SNX29: variants seen among roughly 807,000 people sequenced by gnomAD.
SNX29 encodes sorting nexin 29.
Under a neutral mutation model 102.1 loss-of-function variants are expected in SNX29, and 78 were observed. That is an observed-to-expected ratio of 0.76 (90% CI 0.64 to 0.92). The LOEUF is 0.92. SNX29 is among the 40% of genes least tolerant of loss of function. The pLI, the probability that SNX29 is intolerant of heterozygous loss-of-function variation, is 0.00. For missense variants in SNX29, 1,280 were observed against 1,061.7 expected (o/e 1.21, Z -2.86); for synonymous variants, 580 against 414.5 (o/e 1.40, Z -4.85).
At position 12,040,750 on chromosome 16, in the gene SNX29, T is replaced by C. The variant is rs8045475; in HGVS notation, c.248-2147T>C. Among the ~76,000 whole-genome samples, 659 of 152,376 alleles carry C rather than the reference T, an allele frequency of 4.3e-3. 7 individuals carry two copies. The highest frequency in any genetic ancestry group is 0.015 in the African/African-American group (616 of 41,596). On this transcript the variant is annotated intron_variant, in intron 4 of 20. Coordinates refer to ENST00000566228, the MANE Select transcript of SNX29 (RefSeq NM_032167.5). Reference sequence around the variant, plus strand: ...AATTGTAATAGGAAAATGTTCATGCTCTAGACAAGAAAATAAATGAATCAG... The same window carrying C: ...AATTGTAATAGGAAAATGTTCATGCCCTAGACAAGAAAATAAATGAATCAG...
intron 18 of SNX29, among the ~76,000 whole-genome samples, chr16:12,414,720 G>GGTATGTAT (rs60894539): frequency 9.6e-4 from 146 of 151,956 alleles, no homozygotes; most frequent in African/African-American, 3.4e-3. Context: ...TTTATTTGTT[G>GGTATGTAT]GTATGTATGT....
chr16:12,198,004 T>G (rs1954884974), intron 13 of SNX29, among the ~76,000 whole-genome samples: 2 of 152,182 alleles, frequency 1.3e-5, no homozygotes, highest in African/African-American at 4.8e-5. Context: ...AGTCAGTGTT[T>G]GGCGTATCTA....
intron 6 of SNX29, among the ~76,000 whole-genome samples, chr16:12,048,120 C>T (rs1178019984): frequency 6.6e-6 from 1 of 151,362 alleles, no homozygotes; most frequent in Non-Finnish European, 1.5e-5. Context: ...CCCATGATAA[C>T]GGATGTCTGC....
At chr16:12,011,966 C>G (rs145122053) in intron 3 of SNX29, among the ~76,000 whole-genome samples, 4 of 152,232 alleles carry the variant, frequency 2.6e-5, no homozygotes, top group African/African-American at 9.6e-5. Flanking sequence ...TTTTGTATGA[C>G]TAGACATACC....
At chr16:12,344,939 C>T (rs551457865) in intron 15 of SNX29, among the ~76,000 whole-genome samples, 7 of 152,352 alleles carry the variant, frequency 4.6e-5, no homozygotes, top group South Asian at 4.1e-4. Context: ...CAGGCCTAGC[C>T]GAGCACCATG....
intron 15 of SNX29, among the ~76,000 whole-genome samples, chr16:12,337,367 G>A (rs1037528495): frequency 3.9e-5 from 6 of 151,960 alleles, no homozygotes; most frequent in African/African-American, 1.4e-4. Context: ...TTCAAGACAG[G>A]GTCTTGCTGT....
At chr16:11,995,151 C>T (rs1354434802) in intron 1 of SNX29, among the ~76,000 whole-genome samples, 3 of 152,172 alleles carry the variant, frequency 2.0e-5, no homozygotes, top group Non-Finnish European at 2.9e-5. Context: ...CTGTAACCTC[C>T]GTCTCCCAGG....
At chr16:11,976,848 G>A in intron 1 of SNX29, 35 bp downstream of exon 1, 2 of 1,342,212 alleles carry the variant, frequency 1.5e-6, no homozygotes, top group South Asian at 3.7e-5. Flanking sequence ...ACCTGCCCCG[G>A]CCGCCCCGGC....
intron 20 of SNX29, among the ~76,000 whole-genome samples, chr16:12,554,910 G>A (rs2078230367): frequency 6.6e-6 from 1 of 152,120 alleles, no homozygotes; most frequent in Non-Finnish European, 1.5e-5. Context: ...CAGTGCAGGG[G>A]AGAGGGGCTG....
At chr16:12,568,269 C>CA (rs1491425109) in intron 20 of SNX29, among the ~76,000 whole-genome samples, 1 of 148,394 alleles carries the variant, frequency 6.7e-6, no homozygotes, top group Non-Finnish European at 1.5e-5. Flanking sequence ...AGCTCAGACT[C>CA]ACAGCCAAGC....
intron 18 of SNX29, among the ~76,000 whole-genome samples, chr16:12,472,391 C>T (rs2087388605): frequency 1.3e-5 from 2 of 151,894 alleles, no homozygotes; most frequent in African/African-American, 4.8e-5. Flanking sequence ...GTGTGGCAGG[C>T]ACCTGTAATC....
At chr16:12,483,837 G>T (rs534044525) in intron 19 of SNX29, among the ~76,000 whole-genome samples, 4 of 152,198 alleles carry the variant, frequency 2.6e-5, no homozygotes, top group Non-Finnish European at 5.9e-5. Context: ...CAAGTCAGGT[G>T]GTGGCTTCTA....
At chr16:12,042,855 G>C (rs754685429) in intron 4 of SNX29, 42 bp from the exon 5 acceptor site, 2 of 1,567,992 alleles carry the variant, frequency 1.3e-6, no homozygotes, top group Non-Finnish European at 1.7e-6. Context: ...AGTGCTGAGT[G>C]CCCCAGGCCG....
intron 11 of SNX29, among the ~76,000 whole-genome samples, chr16:12,116,622 C>T (rs1036861392): frequency 2.0e-5 from 3 of 152,128 alleles, no homozygotes; most frequent in Non-Finnish European, 2.9e-5. Flanking sequence ...TGCAGTGAGC[C>T]AGGATCACGC....
chr16:12,008,816 A>G (rs539046567), intron 3 of SNX29, among the ~76,000 whole-genome samples: 3 of 149,550 alleles, frequency 2.0e-5, no homozygotes, highest in African/African-American at 7.4e-5. Context: ...ATCTCAGTTC[A>G]CTGCAACCTC....
intron 18 of SNX29, among the ~76,000 whole-genome samples, chr16:12,416,008 A>G (rs1398055300): frequency 6.6e-6 from 1 of 152,082 alleles, no homozygotes; most frequent in Non-Finnish European, 1.5e-5. Flanking sequence ...CCAGGGCCGT[A>G]CTGTCAGACA....
At chr16:12,476,387 TATATATATATATATATATATATATAC>T (rs1392187801) in intron 18 of SNX29, among the ~76,000 whole-genome samples, 144 of 11,438 alleles carry the variant, frequency 0.013, 1 homozygote, top group South Asian at 0.043. Flanking sequence ...AAAAAAAATA[TATATATATATATATATATATATATAC>T]ATATATATAT....
At chr16:12,150,058 A>G (rs9922784) in intron 13 of SNX29, among the ~76,000 whole-genome samples, 71,670 of 152,068 alleles carry the variant, frequency 0.47, 19,261 homozygotes, top group African/African-American at 0.73. Context: ...GCCTGGGAAC[A>G]GATTCCCAAG....
At chr16:12,491,682 C>A (rs542142609) in intron 19 of SNX29, among the ~76,000 whole-genome samples, 99 of 152,150 alleles carry the variant, frequency 6.5e-4, no homozygotes, top group African/African-American at 2.3e-3. Flanking sequence ...CTCCCCCTTC[C>A]CCCAACCCCA....
Sources: gnomAD v4.1 joint callset for allele counts (sites outside exome capture counted in the v4.1 genomes callset) on GRCh38, gnomAD v4.1.1 for gene constraint, MANE v1.5 for transcripts, NCBI Gene and HGNC (gene_info 2026-07-23, HGNC 2026-07-21) for gene names.